Variants in TBP observed in about 807,000 individuals in gnomAD.
TBP encodes TATA-box binding protein, also known as TATA-box-binding protein.
In TBP, 12 loss-of-function variants were observed where a neutral mutation model predicts 46.2. The observed-to-expected ratio is 0.26, with a 90% CI of 0.17 to 0.42. The LOEUF is 0.42. TBP is among the 10% of genes least tolerant of loss of function. The probability of loss-of-function intolerance (pLI) is 1.00; values close to 1 mark genes in which losing one functional copy is unlikely to be tolerated. For synonymous variants in TBP, 157 were observed against 148.3 expected, an observed-to-expected ratio of 1.06 and a Z score of -0.42; for missense variants, 229 against 403.1, an observed-to-expected ratio of 0.57 and a Z score of 3.70.
Position 170,564,648 on chromosome 6 carries a change from A to T in TBP, c.585+16A>T. On this transcript the variant is annotated intron_variant, in intron 4 of 7. Transcript: ENST00000392092. ...TAATCCCAAGGTTAGATCTATTTTA[A>T]TGTATTTCTTTTTTTTTTCTTTTTT... is the stretch of plus-strand genomic sequence containing the variant. The T allele has an allele frequency of 1.3e-6, 2 of 1,565,798 alleles. No individual in the cohort carries two copies. The highest frequency in any genetic ancestry group is 1.2e-5 in the South Asian group (1 of 85,204).
chr6:170,562,148 C>T lies in TBP; in HGVS notation c.412C>T (p.Leu138=). 1 of 1,614,198 alleles carries T rather than the reference C, an allele frequency of 6.2e-7. No individual in the cohort carries two copies. The highest frequency in any genetic ancestry group is 8.5e-7 in the Non-Finnish European group (1 of 1,180,030). The part of the protein sequence containing the change: ...TTAPLPGTTP[L]YPSPMTPMTP... The stretch of plus-strand genomic sequence containing the variant: ...TGCACCCTTGCCGGGCACCACTCCA[C>T]TGTATCCCTCCCCCATGACTCCCAT... Residue 138 remains leucine (L), a synonymous_variant, in exon 3 of 8, where the codon CTG becomes TTG. Transcript: ENST00000392092.
Position 170,561,966 on chromosome 6 carries a change from AGCAGCAGCAG to A in TBP, c.231_240del (p.Gln77HisfsTer64), listed in dbSNP as rs773085804. ...CAGCAGCAGCAACAGCAACAGCAGC[AGCAGCAGCAG>A]CAGCAGCAGCAGCAGCAGCAGCAGC... On this transcript the variant is annotated frameshift_variant, in exon 3 of 8. Coordinates refer to ENST00000392092, the MANE Select transcript of TBP (RefSeq NM_003194.5). LOFTEE classifies it high-confidence loss of function. The A allele has an allele frequency of 5.8e-3, 7,451 of 1,288,298 alleles. 261 individuals carry two copies. The African/African-American group carries it at 0.097, about 17-fold the overall frequency. The allele number at this position is 1,288,298 out of a possible 1,614,324, so 79.8% of individuals were successfully genotyped here.
intron 1 of TBP, among the ~76,000 whole-genome samples, chr6:170,555,505 C>T (rs1487799904): frequency 6.6e-6 from 1 of 152,196 alleles, no homozygotes; most frequent in African/African-American, 2.4e-5. Context: ...AGCTTGTTGC[C>T]TGCATACTGC....
At chr6:170,565,619 T>C (rs919160605) in intron 4 of TBP, among the ~76,000 whole-genome samples, 5 of 152,230 alleles carry the variant, frequency 3.3e-5, no homozygotes, top group Admixed American at 3.3e-4. Context: ...TTTATTACTT[T>C]ACGTTCTTAA....
intron 3 of TBP, among the ~76,000 whole-genome samples, chr6:170,562,552 A>C (rs1365824193): frequency 6.6e-6 from 1 of 152,232 alleles, no homozygotes; most frequent in East Asian, 1.9e-4. Context: ...GCTAAATCAC[A>C]ATGTTAGGTA....
At chr6:170,571,192 G>A (rs921551947) in intron 6 of TBP, among the ~76,000 whole-genome samples, 1 of 152,168 alleles carries the variant, frequency 6.6e-6, no homozygotes, top group Non-Finnish European at 1.5e-5. Context: ...AGTGATAGGA[G>A]GACAAATAGC....
intron 3 of TBP, among the ~76,000 whole-genome samples, chr6:170,562,893 C>G (rs1779175758): frequency 6.6e-6 from 1 of 152,204 alleles, no homozygotes; most frequent in African/African-American, 2.4e-5. Flanking sequence ...CTTGCAGTCT[C>G]TGCATCTCCT....
intron 4 of TBP, among the ~76,000 whole-genome samples, chr6:170,564,933 G>A (rs1779216718): frequency 6.6e-6 from 1 of 152,062 alleles, no homozygotes; most frequent in Admixed American, 6.6e-5. Context: ...GAGGTGGGCG[G>A]ATCATCTGAG....
At chr6:170,562,764 T>C (rs962427805) in intron 3 of TBP, among the ~76,000 whole-genome samples, 1 of 152,188 alleles carries the variant, frequency 6.6e-6, no homozygotes, top group Non-Finnish European at 1.5e-5. Flanking sequence ...AACAGTGTAG[T>C]AGGGGTAGGA....
chr6:170,564,487 CATCCA>C (rs1779207637), intron 3 of TBP, 53 bp from the exon 4 acceptor site: 1 of 1,238,778 alleles, frequency 8.1e-7, no homozygotes, highest in Non-Finnish European at 1.1e-6. Context: ...TCTAACGCCT[CATCCA>C]ATGAAACTTA....
chr6:170,556,285 A>G (rs1779026041), intron 1 of TBP, among the ~76,000 whole-genome samples: 1 of 152,198 alleles, frequency 6.6e-6, no homozygotes, highest in Non-Finnish European at 1.5e-5. Flanking sequence ...GTCAGATAAC[A>G]GGCACAGTTT....
intron 4 of TBP, 110 bp from the exon 5 acceptor site, chr6:170,566,808 T>G: frequency 1.4e-6 from 1 of 735,246 alleles, no homozygotes; most frequent in Non-Finnish European, 2.3e-6. Flanking sequence ...GATAACTAGA[T>G]GTACTATGTC....
At chr6:170,565,288 G>A (rs1160831841) in intron 4 of TBP, among the ~76,000 whole-genome samples, 2 of 152,244 alleles carry the variant, frequency 1.3e-5, no homozygotes, top group African/African-American at 4.8e-5. Context: ...ATCCCTGGGA[G>A]TACAGCAGTC....
At chr6:170,571,719 TGAG>T (rs1779369298) in intron 7 of TBP, among the ~76,000 whole-genome samples, 1 of 152,012 alleles carries the variant, frequency 6.6e-6, no homozygotes, top group South Asian at 2.1e-4. Flanking sequence ...CCATTTACAG[TGAG>T]GAGGTGAGCA....
intron 6 of TBP, among the ~76,000 whole-genome samples, chr6:170,570,637 A>G (rs1779350522): frequency 6.6e-6 from 1 of 152,208 alleles, no homozygotes; most frequent in South Asian, 2.1e-4. Flanking sequence ...GTTCAAGACC[A>G]GCCTGGCCAA....
intron 3 of TBP, among the ~76,000 whole-genome samples, chr6:170,563,880 A>G (rs888068202): frequency 1.3e-5 from 2 of 152,234 alleles, no homozygotes; most frequent in South Asian, 2.1e-4. Context: ...TAAAATTTCT[A>G]ATAGAGTTGC....
At chr6:170,559,108 G>A (rs187808978) in intron 2 of TBP, among the ~76,000 whole-genome samples, 8 of 152,134 alleles carry the variant, frequency 5.3e-5, no homozygotes, top group East Asian at 3.9e-4. Flanking sequence ...TGTCTGCAGC[G>A]TGACCAACCA....
chr6:170,566,105 A>T (rs1363954918), intron 4 of TBP, among the ~76,000 whole-genome samples: 2 of 152,146 alleles, frequency 1.3e-5, no homozygotes, highest in Non-Finnish European at 2.9e-5. Flanking sequence ...ATAAAAAAAT[A>T]AAATTGTTAA....
chr6:170,570,580 C>G (rs1779349783), intron 6 of TBP, among the ~76,000 whole-genome samples: 1 of 152,104 alleles, frequency 6.6e-6, no homozygotes, highest in South Asian at 2.1e-4. Context: ...CACCTGTAAT[C>G]CCAGCATTTT....
Sources: gnomAD v4.1 joint callset for allele counts (sites outside exome capture counted in the v4.1 genomes callset) on GRCh38, gnomAD v4.1.1 for gene constraint, MANE v1.5 for transcripts, NCBI Gene and HGNC (gene_info 2026-07-23, HGNC 2026-07-21) for gene names.